The following ARL15 variants were observed in gnomAD, a reference collection of about 807,000 sequenced individuals.
ARL15 encodes ARF like GTPase 15.
A neutral mutation model predicts 25.2 loss-of-function variants in ARL15; 19 were observed. The ratio of observed to expected loss-of-function variants is 0.75; its 90% CI spans 0.53 to 1.10. The LOEUF is 1.10. ARL15 is among the 50% of genes least tolerant of loss of function. The probability of loss-of-function intolerance (pLI) is 0.00; values close to 1 mark genes in which losing one functional copy is unlikely to be tolerated. For missense variants in ARL15, 220 were observed against 246.0 expected, an observed-to-expected ratio of 0.89 and a Z score of 0.71; for synonymous variants, 94 against 86.8, an observed-to-expected ratio of 1.08 and a Z score of -0.46.
intron 1 of ARL15, among the ~76,000 whole-genome samples, chr5:54,258,870 A>T (rs1361960473): frequency 6.6e-6 from 1 of 152,184 alleles, no homozygotes. Flanking sequence ...GTGTCATGGA[A>T]TGGGGAGAAC....
intron 1 of ARL15, among the ~76,000 whole-genome samples, chr5:54,194,039 T>C (rs562024821): frequency 4.4e-4 from 67 of 152,254 alleles, no homozygotes; most frequent in Admixed American, 9.8e-4. Flanking sequence ...CCTGGGAGAC[T>C]ATGGTAGTGA....
At chr5:54,196,774 T>C (rs868529997) in intron 1 of ARL15, among the ~76,000 whole-genome samples, 5 of 152,164 alleles carry the variant, frequency 3.3e-5, no homozygotes, top group African/African-American at 9.6e-5. Flanking sequence ...GTGGGATATA[T>C]TGAATTATAA....
At chr5:54,282,675 T>C (rs1758090614) in intron 1 of ARL15, 1 of 583,542 alleles carries the variant, frequency 1.7e-6, no homozygotes, top group South Asian at 7.6e-5. Flanking sequence ...CTGCTATAAG[T>C]AGCTTTTTAA....
chr5:54,281,165 G>A (rs1483575336), intron 1 of ARL15, among the ~76,000 whole-genome samples: 2 of 152,116 alleles, frequency 1.3e-5, no homozygotes, highest in Non-Finnish European at 2.9e-5. Context: ...TTGAGACCGA[G>A]TTTCGCTCTT....
At chr5:54,220,603 A>G (rs534030127) in intron 1 of ARL15, among the ~76,000 whole-genome samples, 3 of 152,320 alleles carry the variant, frequency 2.0e-5, no homozygotes, top group African/African-American at 4.8e-5. Flanking sequence ...TTTTAATATA[A>G]TAAGCACCTT....
chr5:54,170,639 C>T (rs1235779875), intron 2 of ARL15, among the ~76,000 whole-genome samples: 1 of 152,106 alleles, frequency 6.6e-6, no homozygotes, highest in African/African-American at 2.4e-5. Flanking sequence ...TTTTCCACCC[C>T]CTCACCTTAT....
intron 1 of ARL15, among the ~76,000 whole-genome samples, chr5:54,303,806 C>T (rs1758679496): frequency 6.6e-6 from 1 of 151,768 alleles, no homozygotes; most frequent in African/African-American, 2.4e-5. Context: ...GGGCTTGGGG[C>T]AGGTAGGAAT....
chr5:54,116,269 G>A (rs1752895152), intron 3 of ARL15, among the ~76,000 whole-genome samples: 2 of 152,164 alleles, frequency 1.3e-5, no homozygotes, highest in South Asian at 4.1e-4. Flanking sequence ...TGAGTCATTA[G>A]CAGCCAATAC....
At chr5:54,305,462 A>C (rs533620000) in intron 1 of ARL15, among the ~76,000 whole-genome samples, 13 of 151,476 alleles carry the variant, frequency 8.6e-5, no homozygotes, top group African/African-American at 2.4e-4. Context: ...CTCTGTCACA[A>C]AAAAAAAATA....
intron 1 of ARL15, among the ~76,000 whole-genome samples, chr5:54,245,301 C>A (rs1757060448): frequency 6.6e-6 from 1 of 152,224 alleles, no homozygotes; most frequent in African/African-American, 2.4e-5. Flanking sequence ...CAAATAGTCA[C>A]ACCTTGCTTG....
intron 1 of ARL15, among the ~76,000 whole-genome samples, chr5:54,252,130 T>C (rs3797235): frequency 0.25 from 38,294 of 152,150 alleles, 5,909 homozygotes; most frequent in African/African-American, 0.43. Context: ...GGAGAGATTG[T>C]CTGTGAGTCA....
intron 4 of ARL15, among the ~76,000 whole-genome samples, chr5:53,892,467 C>T (rs772385569): frequency 6.6e-6 from 1 of 152,202 alleles, no homozygotes; most frequent in African/African-American, 2.4e-5. Context: ...GAACCACGTG[C>T]AGCTATTACT....
At chr5:53,986,434 GA>G (rs1296655840) in intron 4 of ARL15, among the ~76,000 whole-genome samples, 2 of 152,158 alleles carry the variant, frequency 1.3e-5, no homozygotes, top group African/African-American at 4.8e-5. Context: ...GTTCAGATCA[GA>G]TGCCTCTAAT....
At chr5:54,060,503 C>CT (rs1249280191) in intron 4 of ARL15, among the ~76,000 whole-genome samples, 16 of 152,174 alleles carry the variant, frequency 1.1e-4, no homozygotes, top group Non-Finnish European at 2.4e-4. Context: ...TGGACAAACT[C>CT]TTTTTGCCTG....
At chr5:53,926,526 A>G (rs577980466) in intron 4 of ARL15, among the ~76,000 whole-genome samples, 31 of 152,272 alleles carry the variant, frequency 2.0e-4, no homozygotes, top group African/African-American at 6.7e-4. Flanking sequence ...CTCCCTGACC[A>G]GAGCAAATCA....
At chr5:53,927,136 C>T (rs1383783557) in intron 4 of ARL15, among the ~76,000 whole-genome samples, 4 of 152,088 alleles carry the variant, frequency 2.6e-5, no homozygotes, top group South Asian at 2.1e-4. Context: ...TCCATTTAAT[C>T]GTTAATTTTC....
chr5:53,907,489 T>TATATATAA (rs1554025337), intron 4 of ARL15, among the ~76,000 whole-genome samples: 1 of 16,978 alleles, frequency 5.9e-5, no homozygotes, highest in East Asian at 1.7e-3. Flanking sequence ...TATATATATA[T>TATATATAA]TTTTTTTTTT....
At chr5:53,887,398 G>A (rs986361958) in intron 4 of ARL15, 20 of 700,044 alleles carry the variant, frequency 2.9e-5, no homozygotes, top group Non-Finnish European at 4.9e-5. Context: ...GATGGAAAAA[G>A]CAAGAACTTA....
At chr5:54,166,127 C>T (rs142505931) in intron 2 of ARL15, among the ~76,000 whole-genome samples, 7 of 152,136 alleles carry the variant, frequency 4.6e-5, no homozygotes, top group Non-Finnish European at 8.8e-5. Context: ...TCTTTATCAC[C>T]GGTTTTGAAC....
Sources: gnomAD v4.1 joint callset for allele counts (sites outside exome capture counted in the v4.1 genomes callset) on GRCh38, gnomAD v4.1.1 for gene constraint, MANE v1.5 for transcripts, NCBI Gene and HGNC (gene_info 2026-07-23, HGNC 2026-07-21) for gene names.